The following CSMD1 variants were observed in gnomAD, a reference collection of about 807,000 sequenced individuals.
The protein encoded by CSMD1 is CUB and Sushi multiple domains 1.
In CSMD1, 213 loss-of-function variants were observed where a neutral mutation model predicts 417.5. That is an observed-to-expected ratio of 0.51 (90% CI 0.46 to 0.57). CSMD1 has a LOEUF of 0.57. Ranked by LOEUF, CSMD1 falls within the 20% of genes least tolerant of loss-of-function variation. CSMD1 has a pLI of 0.00. For synonymous variants in CSMD1, 2,862 were observed against 1,736.8 expected (o/e 1.65, Z -16.11); for missense variants, 6,923 against 4,529.7 (o/e 1.53, Z -15.17).
chr8:4,338,099 C>T (rs1006010318), intron 3 of CSMD1, among the ~76,000 whole-genome samples: 3 of 152,062 alleles, frequency 2.0e-5, no homozygotes, highest in African/African-American at 7.2e-5. Flanking sequence ...TTATGTGTAA[C>T]TTTGGTGTAC....
intron 9 of CSMD1, among the ~76,000 whole-genome samples, chr8:3,583,018 A>G (rs913437300): frequency 6.6e-6 from 1 of 152,236 alleles, no homozygotes; most frequent in South Asian, 2.1e-4. Context: ...ATCAGTTGGG[A>G]AGTCTTCAAA....
rs554949732 is a variant in CSMD1, at chr8:3,283,332, G to C, written c.4153+812C>G. ...TGTAGGGAACCTGGAATCGGGGCTGGGTTAGGGGAGCCCTGAAGATAGGCT... is the reference window on the plus strand; with the variant it reads ...TGTAGGGAACCTGGAATCGGGGCTGCGTTAGGGGAGCCCTGAAGATAGGCT... On this transcript the variant is annotated intron_variant, in intron 26 of 69. Transcript: ENST00000635120. Among the ~76,000 whole-genome samples the C allele has an allele frequency of 1.7e-3, 255 of 152,222 alleles. 1 individual carries two copies. The highest frequency in any genetic ancestry group is 2.8e-3 in the Non-Finnish European group (192 of 68,014).
intron 63 of CSMD1, among the ~76,000 whole-genome samples, chr8:2,955,996 C>T (rs1367781965): frequency 1.3e-5 from 2 of 151,952 alleles, no homozygotes; most frequent in Non-Finnish European, 2.9e-5. Flanking sequence ...CTGTTTTGAC[C>T]TCCCAAAGTA....
At chr8:3,911,286 C>T (rs569455441) in intron 5 of CSMD1, among the ~76,000 whole-genome samples, 1 of 151,944 alleles carries the variant, frequency 6.6e-6, no homozygotes, top group African/African-American at 2.4e-5. Context: ...ACTGAAGTCT[C>T]TATAATCATA....
chr8:4,210,010 G>C (rs1203148400), intron 3 of CSMD1, among the ~76,000 whole-genome samples: 3 of 152,158 alleles, frequency 2.0e-5, no homozygotes, highest in Non-Finnish European at 4.4e-5. Flanking sequence ...CCCCAGATCT[G>C]TTTTAGCTAG....
At chr8:4,066,238 T>C (rs1217645900) in intron 3 of CSMD1, among the ~76,000 whole-genome samples, 1 of 152,236 alleles carries the variant, frequency 6.6e-6, no homozygotes, top group Admixed American at 6.5e-5. Flanking sequence ...CTTCCTTCTT[T>C]GTCTCCTGTT....
At chr8:3,356,451 C>T (rs1808797204) in intron 21 of CSMD1, among the ~76,000 whole-genome samples, 1 of 152,122 alleles carries the variant, frequency 6.6e-6, no homozygotes, top group Non-Finnish European at 1.5e-5. Flanking sequence ...CCAAGGCGGG[C>T]ACATCACATG....
intron 12 of CSMD1, among the ~76,000 whole-genome samples, chr8:3,411,776 A>T (rs1341693118): frequency 7.7e-6 from 1 of 130,378 alleles, no homozygotes; most frequent in African/African-American, 2.9e-5. Context: ...ATACGTGTGT[A>T]TATACCTGTA....
intron 23 of CSMD1, among the ~76,000 whole-genome samples, chr8:3,310,732 G>A (rs1406020404): frequency 1.3e-5 from 2 of 151,480 alleles, no homozygotes; most frequent in Non-Finnish European, 3.0e-5. Flanking sequence ...AGGGCATCCA[G>A]GTCCTGTCCG....
chr8:4,076,168 G>T (rs191583942), intron 3 of CSMD1, among the ~76,000 whole-genome samples: 43 of 152,288 alleles, frequency 2.8e-4, no homozygotes, highest in Non-Finnish European at 5.4e-4. Context: ...GCTCCATGGT[G>T]TTCTCACGAC....
intron 3 of CSMD1, among the ~76,000 whole-genome samples, chr8:4,222,463 G>A (rs572955295): frequency 5.3e-5 from 8 of 152,116 alleles, no homozygotes; most frequent in Non-Finnish European, 7.4e-5. Flanking sequence ...TACCTGGTCC[G>A]TCATATGTTC....
chr8:3,565,215 G>GATAGATAGATAGATAGATAGAT lies in CSMD1; in HGVS notation c.1344+9729_1344+9730insATCTATCTATCTATCTATCTAT, dbSNP rs58029640. Among the ~76,000 whole-genome samples, 99 of 139,278 alleles carry GATAGATAGATAGATAGATAGAT rather than the reference G, an allele frequency of 7.1e-4. 3 individuals carry two copies. The highest frequency in any genetic ancestry group is 2.5e-3 in the African/African-American group (94 of 37,856). The allele number at this position is 139,278 out of a possible 152,430, so 91.4% of individuals were successfully genotyped here. On this transcript the variant is annotated intron_variant, in intron 10 of 69. Transcript: ENST00000635120. ...ATAGATAGACAGATAGATAGATAGA[G>GATAGATAGATAGATAGATAGAT]AGATAGACAGATAGATAGATTAATG...
chr8:3,363,796 G>C (rs11777777), intron 20 of CSMD1, among the ~76,000 whole-genome samples: 68,078 of 151,916 alleles, frequency 0.45, 15,343 homozygotes, highest in Admixed American at 0.56. Context: ...AGTTAGCACT[G>C]AAGAAGTAGA....
intron 10 of CSMD1, among the ~76,000 whole-genome samples, chr8:3,564,549 G>GTA (rs1554471469): frequency 6.7e-6 from 1 of 149,480 alleles, no homozygotes; most frequent in Non-Finnish European, 1.5e-5. Flanking sequence ...GTGTGTGTGT[G>GTA]TATAATACAT....
intron 7 of CSMD1, among the ~76,000 whole-genome samples, chr8:3,682,313 A>G (rs1308449523): frequency 6.6e-6 from 1 of 152,228 alleles, no homozygotes; most frequent in East Asian, 1.9e-4. Context: ...GCTAATATCC[A>G]GAATTTACAA....
intron 3 of CSMD1, among the ~76,000 whole-genome samples, chr8:4,271,480 T>G (rs1004325623): frequency 2.0e-5 from 3 of 152,054 alleles, no homozygotes; most frequent in African/African-American, 7.2e-5. Context: ...CAATACATTT[T>G]TCATAGAGAA....
chr8:4,373,471 A>G (rs1043165977), intron 3 of CSMD1, among the ~76,000 whole-genome samples: 2 of 152,214 alleles, frequency 1.3e-5, no homozygotes, highest in Non-Finnish European at 2.9e-5. Context: ...ATGTTCCCAT[A>G]AATCTAAAAC....
intron 1 of CSMD1, among the ~76,000 whole-genome samples, chr8:4,643,604 G>A (rs1346579477): frequency 1.3e-5 from 2 of 152,192 alleles, no homozygotes; most frequent in Non-Finnish European, 2.9e-5. Context: ...TAAGGAGTAC[G>A]ACAGACTTCT....
intron 1 of CSMD1, among the ~76,000 whole-genome samples, chr8:4,694,303 T>C (rs1384847585): frequency 6.6e-6 from 1 of 152,174 alleles, no homozygotes; most frequent in African/African-American, 2.4e-5. Flanking sequence ...CTGCTTGAAG[T>C]TGTCCTGCCT....
Sources: allele counts gnomAD v4.1 joint callset (sites outside exome capture counted in the v4.1 genomes callset), GRCh38; gene constraint gnomAD v4.1.1; transcripts MANE v1.5; gene names NCBI Gene and HGNC (gene_info 2026-07-23, HGNC 2026-07-21).